The following VAT1L variants were observed in gnomAD, a reference collection of about 807,000 sequenced individuals.
VAT1L encodes the protein putative NADPH-dependent quinone oxidoreductase VAT1L.
Under a neutral mutation model 44.1 loss-of-function variants are expected in VAT1L, and 34 were observed. That is an observed-to-expected ratio of 0.77 (90% confidence interval 0.59 to 1.03). The LOEUF is 1.03. VAT1L is among the 50% of genes least tolerant of loss of function. The probability of loss-of-function intolerance (pLI) is 0.00; values close to 1 mark genes in which losing one functional copy is unlikely to be tolerated. For missense variants in VAT1L, 615 were observed against 538.8 expected (o/e 1.14, Z -1.40); for synonymous variants, 253 against 202.2 (o/e 1.25, Z -2.13).
chr16:77,942,224 C>G (rs2017894437), intron 7 of VAT1L, among the ~76,000 whole-genome samples: 1 of 152,146 alleles, frequency 6.6e-6, no homozygotes, highest in Non-Finnish European at 1.5e-5. Context: ...TGGTGGCAGG[C>G]AAGAGATAAC....
At chr16:77,911,658 G>A (rs1019542716) in intron 7 of VAT1L, among the ~76,000 whole-genome samples, 7 of 152,168 alleles carry the variant, frequency 4.6e-5, no homozygotes, top group Non-Finnish European at 1.0e-4. Flanking sequence ...CAAAGCCTGA[G>A]GAGTGGCTGT....
intron 1 of VAT1L, among the ~76,000 whole-genome samples, chr16:77,795,813 C>CTT (rs56725954): frequency 0.017 from 1,692 of 100,336 alleles, 30 homozygotes; most frequent in African/African-American, 0.038. Flanking sequence ...CCTTTTTTCT[C>CTT]TTTTTTTTTT....
At chr16:77,817,098 T>G (rs776994828) in intron 2 of VAT1L, 48 bp downstream of exon 2, 3 of 1,589,642 alleles carry the variant, frequency 1.9e-6, no homozygotes, top group Non-Finnish European at 2.6e-6. Context: ...TGGAATCCAT[T>G]GAGACAACAA....
At chr16:77,928,495 G>C (rs140753001) in intron 7 of VAT1L, among the ~76,000 whole-genome samples, 115 of 152,272 alleles carry the variant, frequency 7.6e-4, no homozygotes, top group Non-Finnish European at 1.4e-3. Context: ...AGAGACAAAA[G>C]TCATAGCTGA....
chr16:77,972,760 G>A (rs1010766374), intron 8 of VAT1L, among the ~76,000 whole-genome samples: 1 of 151,506 alleles, frequency 6.6e-6, no homozygotes, highest in South Asian at 2.1e-4. Context: ...CAGCCTGGGG[G>A]ACTAGAATGA....
Position 77,788,595 on chromosome 16 carries a change from G to C in VAT1L, c.-88G>C. On this transcript the variant is annotated 5_prime_UTR_variant, in exon 1 of 9. Transcript: ENST00000302536. The stretch of plus-strand genomic sequence containing the variant: ...CAGCCGAGCATCCCACATTCAACAG[G>C]AGGAACCCGCGGGAGAGGAGCCCCA... 1 of 1,454,246 alleles carries C rather than the reference G, an allele frequency of 6.9e-7. No homozygotes were observed. The highest frequency in any genetic ancestry group is 9.3e-7 in the Non-Finnish European group (1 of 1,073,512). The allele number at this position is 1,454,246 out of a possible 1,614,324, so 90.1% of individuals were successfully genotyped here.
Position 77,971,941 on chromosome 16 carries a change from A to C in VAT1L, c.1161+8A>C. The C allele has an allele frequency of 6.2e-7, 1 of 1,612,712 alleles. No homozygotes were observed. Among genetic ancestry groups the C allele is most frequent in the African/African-American group, 1.3e-5 (1 of 75,022 alleles). On this transcript the variant is annotated splice_region_variant and intron_variant, in intron 8 of 8. Transcript: ENST00000302536. ...AAGACCCCAACTCCACTGGTGAGTGAAAAGCAGAGGAGTCTGTTCAGTTCC... is the reference window on the plus strand; with the variant it reads ...AAGACCCCAACTCCACTGGTGAGTGCAAAGCAGAGGAGTCTGTTCAGTTCC...
intron 1 of VAT1L, among the ~76,000 whole-genome samples, chr16:77,814,011 G>T (rs146268780): frequency 6.6e-6 from 1 of 152,198 alleles, no homozygotes; most frequent in Admixed American, 6.5e-5. Flanking sequence ...CATGAATTCA[G>T]ATCCTGACTT....
At chr16:77,926,100 A>C (rs2017664361) in intron 7 of VAT1L, among the ~76,000 whole-genome samples, 1 of 151,106 alleles carries the variant, frequency 6.6e-6, no homozygotes, top group Admixed American at 6.7e-5. Flanking sequence ...GTCTCTACTA[A>C]AAATTAGCCA....
At chr16:77,911,745 T>TG (rs1252150338) in intron 7 of VAT1L, among the ~76,000 whole-genome samples, 2 of 152,038 alleles carry the variant, frequency 1.3e-5, no homozygotes. Context: ...CCCAAGGGGA[T>TG]GGATGGGGCT....
At chr16:77,926,517 G>C (rs1234668353) in intron 7 of VAT1L, among the ~76,000 whole-genome samples, 2 of 152,226 alleles carry the variant, frequency 1.3e-5, no homozygotes, top group Middle Eastern at 6.8e-3. Context: ...CTGGGAGGCA[G>C]AGGTTGCCAT....
intron 2 of VAT1L, among the ~76,000 whole-genome samples, chr16:77,824,308 G>T (rs532991144): frequency 3.6e-4 from 55 of 152,326 alleles, no homozygotes; most frequent in African/African-American, 1.3e-3. Context: ...AACTTAGCTG[G>T]TTCTGGAGAG....
At chr16:77,939,507 C>A (rs1463494021) in intron 7 of VAT1L, among the ~76,000 whole-genome samples, 2 of 152,178 alleles carry the variant, frequency 1.3e-5, no homozygotes, top group Non-Finnish European at 2.9e-5. Context: ...ACCATCACAT[C>A]AGTGGTAACA....
intron 7 of VAT1L, among the ~76,000 whole-genome samples, chr16:77,953,891 C>A (rs1039866864): frequency 6.6e-6 from 1 of 152,156 alleles, no homozygotes; most frequent in East Asian, 1.9e-4. Flanking sequence ...AACAAGCCCA[C>A]CTACTGCATT....
At chr16:77,977,175 TGA>T (rs2018350440) in intron 8 of VAT1L, among the ~76,000 whole-genome samples, 1 of 152,178 alleles carries the variant, frequency 6.6e-6, no homozygotes, top group African/African-American at 2.4e-5. Flanking sequence ...TCACCTCCCC[TGA>T]GAGCAGCCCT....
chr16:77,922,849 T>C (rs1448465448), intron 7 of VAT1L, among the ~76,000 whole-genome samples: 1 of 152,216 alleles, frequency 6.6e-6, no homozygotes, highest in Non-Finnish European at 1.5e-5. Context: ...CCACTCTCAC[T>C]GTGCCAGTGG....
chr16:77,799,506 TGTGTGTGTGTGTGTGTGTG>T lies in VAT1L; in HGVS notation c.233+10592_233+10610del, dbSNP rs2016004567. Among the ~76,000 whole-genome samples the T allele has an allele frequency of 6.9e-3, 4 of 576 alleles. No homozygotes were observed. The South Asian group carries it at 0.075, about 11-fold the overall frequency. The allele number at this position is 576 out of a possible 152,430, so 0.4% of individuals were successfully genotyped here. On this transcript the variant is annotated intron_variant, in intron 1 of 8. Transcript: ENST00000302536. ...CTGACAGCCCCACTGGAATACATGG[TGTGTGTGTGTGTGTGTGTG>T]TGTGTGTGTGTGTGTGTGTGTGTGT...
At chr16:77,874,839 T>TAAAAAA (rs769810512) in intron 4 of VAT1L, among the ~76,000 whole-genome samples, 1 of 87,718 alleles carries the variant, frequency 1.1e-5, no homozygotes. Context: ...AATTAATTTG[T>TAAAAAA]AAAAAAAAAA....
intron 4 of VAT1L, among the ~76,000 whole-genome samples, chr16:77,867,695 C>G (rs553504636): frequency 6.6e-4 from 101 of 152,142 alleles, no homozygotes; most frequent in African/African-American, 2.3e-3. Context: ...CCCGTCTCTA[C>G]TAAAAATACA....
Sources: gnomAD v4.1 joint callset for allele counts (sites outside exome capture counted in the v4.1 genomes callset) on GRCh38, gnomAD v4.1.1 for gene constraint, MANE v1.5 for transcripts, NCBI Gene and HGNC (gene_info 2026-07-23, HGNC 2026-07-21) for gene names.